The following CACNB3 variants were observed in gnomAD, a reference collection of about 807,000 sequenced individuals.
CACNB3 encodes the protein voltage-dependent L-type calcium channel subunit beta-3.
In CACNB3, 36 loss-of-function variants were observed where a neutral mutation model predicts 63.7. The ratio of observed to expected loss-of-function variants is 0.57; its 90% CI spans 0.43 to 0.75. The LOEUF is 0.75. CACNB3 is among the 30% of genes least tolerant of loss of function. The pLI is 0.00. For missense variants in CACNB3, 493 were observed against 648.6 expected (o/e 0.76, Z 2.61); for synonymous variants, 241 against 250.6 (o/e 0.96, Z 0.36).
Position 48,828,430 on chromosome 12 carries a change from CATCT to C in CACNB3, c.*532_*535del. On this transcript the variant is annotated 3_prime_UTR_variant, in exon 13 of 13. Transcript: ENST00000301050. ...CAAAGCCCCCCCAGGGTGGCACACC[CATCT>C]GTTTGCTGGGGTGTGGCAGCCACAT... 2.9e-6 allele frequency: 1 copy of C among 339,740 alleles called. No individual in the cohort carries two copies. Among genetic ancestry groups the C allele is most frequent in the Non-Finnish European group, 5.8e-6 (1 of 171,622 alleles). 21.0% of individuals were successfully genotyped at this position (339,740 alleles called of 1,614,324 possible).
Position 48,828,748 on chromosome 12 carries a change from C to G in CACNB3, c.*849C>G. 2.2e-6 allele frequency: 1 copy of G among 456,480 alleles called. No individual in the cohort carries two copies. The allele number at this position is 456,480 out of a possible 1,614,324, so 28.3% of individuals were successfully genotyped here. A position where few individuals can be genotyped will look rare whatever the true frequency, so the allele number is the denominator to read the frequency against. On this transcript the variant is annotated 3_prime_UTR_variant, in exon 13 of 13. Coordinates refer to ENST00000301050, the MANE Select transcript of CACNB3 (RefSeq NM_000725.4). The stretch of plus-strand genomic sequence containing the variant: ...TTGTCCCTCATACATCTTTGGAGAA[C>G]CGGGCTCCAGACTTTGTTCCCTGAC...
At chr12:48,822,737 T>G (rs1013459507) in intron 1 of CACNB3, among the ~76,000 whole-genome samples, 1 of 152,134 alleles carries the variant, frequency 6.6e-6, no homozygotes, top group African/African-American at 2.4e-5. Flanking sequence ...GCTGGCAGCT[T>G]TGTGTCCTCC....
In CACNB3 at chr12:48,827,617, G is replaced by A. The variant is rs1159005113; in HGVS notation, c.1173G>A (p.Glu391=). The change falls in exon 13 of 13, where the codon GAG becomes GAA. Residue 391 remains glutamate, a synonymous_variant. Coordinates refer to ENST00000301050, the MANE Select transcript of CACNB3 (RefSeq NM_000725.4). ...AGCTGCTGGGGGAGCGTGGCGAGGA[G>A]CACTCCCCCCTTGAGCGGGACAGCT... is the stretch of plus-strand genomic sequence containing the variant. ...NQQLLGERGE[E]HSPLERDSLM... The A allele has an allele frequency of 9.9e-6, 16 of 1,613,286 alleles. No individual in the cohort carries two copies. The highest frequency in any genetic ancestry group is 1.4e-5 in the Non-Finnish European group (16 of 1,179,880).
Position 48,827,869 on chromosome 12 carries a change from C to T in CACNB3, c.1425C>T (p.Arg475=). 1.2e-6 allele frequency: 2 copies of T among 1,614,056 alleles called. No individual in the cohort carries two copies. The highest frequency in any genetic ancestry group is 1.7e-6 in the Non-Finnish European group (2 of 1,179,962). The change falls in exon 13 of 13, where the codon CGC becomes CGT. Residue 475 remains arginine (R), a synonymous_variant. Coordinates refer to ENST00000301050, the MANE Select transcript of CACNB3 (RefSeq NM_000725.4). ...EHNHSDRNWQ[R]NRPWPKDSY ...ACCACAGTGACCGGAACTGGCAGCG[C>T]AACCGGCCTTGGCCCAAGGATAGCT...
In CACNB3 at chr12:48,825,063, G is replaced by A; in HGVS notation, c.492+95G>A. ...TCATTGTTGGAGGGCAGAACAGAGA[G>A]GGGAGGGAGCCCAGAACCTCTGGAT... On this transcript the variant is annotated intron_variant, in intron 6 of 12. Coordinates refer to ENST00000301050, the MANE Select transcript of CACNB3 (RefSeq NM_000725.4). This position sits in a 1 kb window ranked among gnomAD's most constrained non-coding sequence, Gnocchi z 4.5. 1 of 1,584,764 alleles carries A rather than the reference G, an allele frequency of 6.3e-7. No individual in the cohort carries two copies. Among genetic ancestry groups the A allele is most frequent in the Non-Finnish European group, 8.7e-7 (1 of 1,153,584 alleles).
intron 4 of CACNB3, 56 bp downstream of exon 4, chr12:48,824,429 C>T: frequency 7.0e-7 from 1 of 1,433,926 alleles, no homozygotes; most frequent in South Asian, 1.3e-5. Flanking sequence ...ACTGTACCCA[C>T]AGGACACGTC....
Position 48,823,424 on chromosome 12 carries a change from T to G in CACNB3, c.126T>G (p.Arg42=). ...AGGAGGACCGGGAGAGTGCCCGGCG[T>G]GAAGTAGAGAGCCAGGCTCAGCAGC... is the stretch of plus-strand genomic sequence containing the variant. The part of the protein sequence containing the change: ...SLEEDRESAR[R]EVESQAQQQL... Residue 42 remains arginine, a synonymous_variant, in exon 2 of 13, where the codon CGT becomes CGG. Coordinates refer to ENST00000301050, the MANE Select transcript of CACNB3 (RefSeq NM_000725.4). The surrounding 1 kb of genome is among the most constrained non-coding windows in gnomAD (Gnocchi z 4.2). 6.2e-7 allele frequency: 1 copy of G among 1,614,022 alleles called. No homozygotes were observed. The highest frequency in any genetic ancestry group is 8.5e-7 in the Non-Finnish European group (1 of 1,179,970).
chr12:48,822,999 A>G (rs1937933515), intron 1 of CACNB3, among the ~76,000 whole-genome samples: 1 of 152,208 alleles, frequency 6.6e-6, no homozygotes, highest in African/African-American at 2.4e-5. Context: ...ATCATCTCTA[A>G]TACATCATCT....
At chr12:48,819,306 C>T (rs1022641228) in intron 1 of CACNB3, among the ~76,000 whole-genome samples, 33 of 152,122 alleles carry the variant, frequency 2.2e-4, no homozygotes, top group African/African-American at 7.5e-4. Context: ...CACGCCATGT[C>T]TGGAGTTCCA....
Position 48,826,517 on chromosome 12 carries a change from AG to A in CACNB3, c.894+1del. On this transcript the variant is annotated frameshift_variant and splice_region_variant, in exon 10 of 13. Transcript: ENST00000301050. LOFTEE classifies it high-confidence loss of function. The surrounding 1 kb of genome is among the most constrained non-coding windows in gnomAD (Gnocchi z 4.8). ...IIVFVKVSSP[K>X]VLQRLIRSRG... The stretch of plus-strand genomic sequence containing the variant: ...GTCTTTGTCAAAGTGTCCTCACCAA[AG>A]GTAAGTCAGCTGGGCTCATGGAGGA... The A allele has an allele frequency of 6.2e-7, 1 of 1,613,850 alleles. No individual in the cohort carries two copies. Among genetic ancestry groups the A allele is most frequent in the Non-Finnish European group, 8.5e-7 (1 of 1,179,878 alleles).
Position 48,825,152 on chromosome 12 carries a change from C to T in CACNB3, c.493-11C>T, listed in dbSNP as rs767047794. On this transcript the variant is annotated splice_polypyrimidine_tract_variant and intron_variant, in intron 6 of 12. Coordinates refer to ENST00000301050, the MANE Select transcript of CACNB3 (RefSeq NM_000725.4). The surrounding 1 kb of genome is among the most constrained non-coding windows in gnomAD (Gnocchi z 4.5). ...GCCATGGTTTCTACTGACCTCATGT[C>T]CATTCTGCAGGCGGAACATGTTCCC... 1 of 1,613,882 alleles carries T rather than the reference C, an allele frequency of 6.2e-7. No individual in the cohort carries two copies. Among genetic ancestry groups the T allele is most frequent in the South Asian group, 1.1e-5 (1 of 91,060 alleles).
rs553332217 is a variant in CACNB3, at chr12:48,827,971, G to A, written c.*72G>A. 562 of 1,312,912 alleles carry A rather than the reference G, an allele frequency of 4.3e-4. No homozygotes were observed. Among genetic ancestry groups the A allele is most frequent in the Non-Finnish European group, 5.5e-4 (513 of 936,464 alleles). The allele number at this position is 1,312,912 out of a possible 1,614,324, so 81.3% of individuals were successfully genotyped here. On this transcript the variant is annotated 3_prime_UTR_variant, in exon 13 of 13. Transcript: ENST00000301050. ...GGGGGCCCACTCCAGGCAGGGTGGCGTTAGACTGGCATCAGGCTGGCACTA... is the reference window on the plus strand; with the variant it reads ...GGGGGCCCACTCCAGGCAGGGTGGCATTAGACTGGCATCAGGCTGGCACTA...
upstream of CACNB3, chr12:48,815,070 C>G (rs1317038070): frequency 6.3e-6 from 1 of 158,790 alleles, no homozygotes; most frequent in Non-Finnish European, 1.4e-5. Flanking sequence ...GGATGGGCGC[C>G]TTGACGCTTG....
chr12:48,814,701 G>T, upstream of CACNB3: 1 of 880,084 alleles, frequency 1.1e-6, no homozygotes, highest in Non-Finnish European at 1.7e-6. The surrounding 1 kb of genome is among the most constrained non-coding windows in gnomAD (Gnocchi z 6.9). Context: ...AGAGGGGTTC[G>T]TCCTGGGCTT....
chr12:48,815,567 G>A, upstream of CACNB3: 1 of 1,513,470 alleles, frequency 6.6e-7, no homozygotes, highest in Non-Finnish European at 8.8e-7. Context: ...GGCGGAGCCC[G>A]GCGGGCGTGG....
chr12:48,823,478 G>C lies in CACNB3; in HGVS notation c.168+12G>C, dbSNP rs1937962303. 1 of 1,612,880 alleles carries C rather than the reference G, an allele frequency of 6.2e-7. No individual in the cohort carries two copies. Among genetic ancestry groups the C allele is most frequent in the South Asian group, 1.1e-5 (1 of 90,912 alleles). ...TCGAAAGGGCCAAGGTATACTTTCT[G>C]GGCATGGGGCAAGACAGGAGGCCAA... On this transcript the variant is annotated intron_variant, in intron 2 of 12. Coordinates refer to ENST00000301050, the MANE Select transcript of CACNB3 (RefSeq NM_000725.4). This position sits in a 1 kb window ranked among gnomAD's most constrained non-coding sequence, Gnocchi z 4.2.
chr12:48,814,877 G>A (rs1477411617), upstream of CACNB3: 1 of 311,822 alleles, frequency 3.2e-6, no homozygotes, highest in African/African-American at 2.2e-5. The surrounding 1 kb of genome is among the most constrained non-coding windows in gnomAD (Gnocchi z 6.9). Context: ...GCTGCAGCGG[G>A]TCGAGAAGGA....
Position 48,823,508 on chromosome 12 carries a change from G to A in CACNB3, c.168+42G>A, listed in dbSNP as rs377246868. 14 of 1,607,586 alleles carry A rather than the reference G, an allele frequency of 8.7e-6. No homozygotes were observed. In the African/African-American group the frequency reaches 1.6e-4, roughly 18 times the overall value. ...TGGGGCAAGACAGGAGGCCAAGCTAGGTGGAAACCTGCACTCGGTCCTAAG... is the reference window on the plus strand; with the variant it reads ...TGGGGCAAGACAGGAGGCCAAGCTAAGTGGAAACCTGCACTCGGTCCTAAG... On this transcript the variant is annotated intron_variant, in intron 2 of 12. Coordinates refer to ENST00000301050, the MANE Select transcript of CACNB3 (RefSeq NM_000725.4). The surrounding 1 kb of genome is among the most constrained non-coding windows in gnomAD (Gnocchi z 4.2).
rs1365578051 is a variant in CACNB3 at position 48,823,318 on chromosome 12, G to A, written c.46-26G>A. The stretch of plus-strand genomic sequence containing the variant: ...TGGCATCCTTCATGCCGGAGCCTGG[G>A]AGTCACAGCCTCTTTCCCAACCCAG... On this transcript the variant is annotated intron_variant, in intron 1 of 12. Coordinates refer to ENST00000301050, the MANE Select transcript of CACNB3 (RefSeq NM_000725.4). This position sits in a 1 kb window ranked among gnomAD's most constrained non-coding sequence, Gnocchi z 4.2. The A allele has an allele frequency of 1.9e-6, 3 of 1,610,832 alleles. No homozygotes were observed. The South Asian group carries it at 3.3e-5, about 18-fold the overall frequency.
Sources: gnomAD v4.1 joint callset for allele counts (sites outside exome capture counted in the v4.1 genomes callset) on GRCh38, gnomAD v4.1.1 for gene constraint, Gnocchi (gnomAD v3.1) non-coding constraint, MANE v1.5 for transcripts, NCBI Gene and HGNC (gene_info 2026-07-23, HGNC 2026-07-21) for gene names.